The following DNAH7 variants were observed in gnomAD, a reference collection of about 807,000 sequenced individuals.
The protein encoded by DNAH7 is dynein axonemal heavy chain 7.
Under a neutral mutation model 444.6 loss-of-function variants are expected in DNAH7, and 397 were observed. The ratio of observed to expected loss-of-function variants is 0.89; its 90% CI spans 0.82 to 0.97. The LOEUF is 0.97. Ranked by LOEUF, DNAH7 falls within the 50% of genes least tolerant of loss-of-function variation. The probability of loss-of-function intolerance (pLI) is 0.00; values close to 1 mark genes in which losing one functional copy is unlikely to be tolerated. For missense variants in DNAH7, 4,902 were observed against 4,800.8 expected (o/e 1.02, Z -0.62); for synonymous variants, 1,636 against 1,624.4 (o/e 1.01, Z -0.17).
chr2:196,048,482 T>C, intron 3 of DNAH7, 78 bp from the exon 4 acceptor site: 1 of 1,163,098 alleles, frequency 8.6e-7, no homozygotes, highest in Non-Finnish European at 1.3e-6. Flanking sequence ...CGAGTGTTTA[T>C]AAACACAGAC....
intron 34 of DNAH7, among the ~76,000 whole-genome samples, chr2:195,885,861 C>T (rs765394135): frequency 6.6e-6 from 1 of 152,086 alleles, no homozygotes; most frequent in Non-Finnish European, 1.5e-5. Context: ...GGGAATGGAT[C>T]ATGTCTAAGG....
intron 19 of DNAH7, among the ~76,000 whole-genome samples, chr2:195,937,269 T>G (rs962959523): frequency 6.6e-5 from 10 of 152,080 alleles, no homozygotes; most frequent in African/African-American, 2.2e-4. Context: ...GTTGAGGAAA[T>G]GAGGAAGAAA....
intron 10 of DNAH7, among the ~76,000 whole-genome samples, chr2:196,010,992 G>A (rs1575015283): frequency 6.6e-6 from 1 of 152,146 alleles, no homozygotes; most frequent in East Asian, 1.9e-4. Flanking sequence ...GCGGTTAAGA[G>A]AAGCTAGGAA....
chr2:196,041,628 G>A (rs180757888), intron 5 of DNAH7, among the ~76,000 whole-genome samples: 278 of 152,104 alleles, frequency 1.8e-3, no homozygotes, highest in African/African-American at 6.0e-3. Flanking sequence ...TTGGAAAAAT[G>A]CTTCAGGAGA....
At chr2:195,886,744 G>A (rs1053245530) in intron 33 of DNAH7, among the ~76,000 whole-genome samples, 2 of 152,016 alleles carry the variant, frequency 1.3e-5, no homozygotes, top group African/African-American at 4.8e-5. Flanking sequence ...TGAACTTGTC[G>A]TGCACTTTAC....
At chr2:195,750,704 T>C (rs1326509291) in intron 63 of DNAH7, among the ~76,000 whole-genome samples, 3 of 152,162 alleles carry the variant, frequency 2.0e-5, no homozygotes, top group Non-Finnish European at 4.4e-5. Context: ...AGTTTCCACC[T>C]TGTCTAATGG....
intron 36 of DNAH7, among the ~76,000 whole-genome samples, chr2:195,879,720 T>C (rs1441295547): frequency 6.6e-6 from 1 of 152,174 alleles, no homozygotes; most frequent in African/African-American, 2.4e-5. Flanking sequence ...ATTATATGTG[T>C]TGATTAAAAT....
At position 195,844,997 on chromosome 2, in the gene DNAH7, C is replaced by T. The variant is rs750951547; in HGVS notation, c.8945+5G>A. 8.7e-6 allele frequency: 14 copies of T among 1,608,340 alleles called. No homozygotes were observed. The highest frequency in any genetic ancestry group is 1.2e-5 in the Non-Finnish European group (14 of 1,177,634). ...GACCATTTGTGAGAAAAATATTTTTCTTACATTATGATTATCCCATTATCA... is the reference window on the plus strand; with the variant it reads ...GACCATTTGTGAGAAAAATATTTTTTTTACATTATGATTATCCCATTATCA... On this transcript the variant is annotated splice_donor_5th_base_variant and intron_variant, in intron 47 of 64. Coordinates refer to ENST00000312428, the MANE Select transcript of DNAH7 (RefSeq NM_018897.3).
intron 5 of DNAH7, among the ~76,000 whole-genome samples, chr2:196,037,165 C>T (rs971698324): frequency 1.3e-4 from 20 of 152,214 alleles, no homozygotes; most frequent in Admixed American, 8.5e-4. Flanking sequence ...AGTAATCATA[C>T]GAACATTACA....
intron 17 of DNAH7, among the ~76,000 whole-genome samples, chr2:195,961,346 C>G (rs565300956): frequency 8.0e-4 from 121 of 151,600 alleles, no homozygotes; most frequent in African/African-American, 2.9e-3. Flanking sequence ...AAACGTATTC[C>G]TCCTAACTGA....
intron 4 of DNAH7, among the ~76,000 whole-genome samples, chr2:196,047,759 T>A (rs1474659074): frequency 6.6e-6 from 1 of 151,720 alleles, no homozygotes; most frequent in Non-Finnish European, 1.5e-5. Flanking sequence ...TTCTATTATA[T>A]TTACATATGA....
intron 19 of DNAH7, among the ~76,000 whole-genome samples, chr2:195,953,031 T>G (rs1295946303): frequency 6.6e-6 from 1 of 152,204 alleles, no homozygotes; most frequent in African/African-American, 2.4e-5. Flanking sequence ...TTTGTAATTT[T>G]CAGCCTTTTT....
At chr2:195,886,829 T>C (rs935071144) in intron 33 of DNAH7, among the ~76,000 whole-genome samples, 2 of 152,162 alleles carry the variant, frequency 1.3e-5, no homozygotes, top group African/African-American at 2.4e-5. Flanking sequence ...ATGTAGCATA[T>C]AGCAAGTTCT....
chr2:195,745,272 G>A (rs1693323641), intron 63 of DNAH7, among the ~76,000 whole-genome samples: 3 of 152,116 alleles, frequency 2.0e-5, no homozygotes, highest in Non-Finnish European at 4.4e-5. Flanking sequence ...AAGATGAAAT[G>A]AATGAAATGA....
intron 21 of DNAH7, among the ~76,000 whole-genome samples, chr2:195,932,049 C>T (rs1234977465): frequency 6.6e-6 from 1 of 152,142 alleles, no homozygotes; most frequent in African/African-American, 2.4e-5. Flanking sequence ...TTATTCCTAC[C>T]CATGAGCATG....
In DNAH7 at chr2:195,853,471, C is replaced by T; in HGVS notation, c.8653G>A (p.Gly2885Ser). Reference protein sequence around the residue: ...RAEQLIGGLGGEKTRWSHTAL... With the variant: ...RAEQLIGGLGSEKTRWSHTAL... ...GTGTGGCTCCATCGAGTTTTCTCAC[C>T]TCCAAGGCCTCCAATCAACTGTTCA... is the stretch of plus-strand genomic sequence containing the variant. Residue 2885 changes from glycine (G) to serine (S), a missense_variant, in exon 46 of 65, where the codon GGT becomes AGT. Transcript: ENST00000312428. 1 of 1,614,066 alleles carries T rather than the reference C, an allele frequency of 6.2e-7. No individual in the cohort carries two copies. The highest frequency in any genetic ancestry group is 8.5e-7 in the Non-Finnish European group (1 of 1,179,974).
At chr2:195,866,409 C>T (rs1314533903) in intron 40 of DNAH7, among the ~76,000 whole-genome samples, 2 of 151,918 alleles carry the variant, frequency 1.3e-5, no homozygotes, top group Non-Finnish European at 2.9e-5. Flanking sequence ...CTTCTTATTC[C>T]AACCAGTTCA....
chr2:195,896,690 G>A lies in DNAH7; in HGVS notation c.4647+977C>T, dbSNP rs190143108. Reference sequence around the variant, plus strand: ...TTCCATATTCTGAAAATAAACATAGGTTTTACTCCTGGAAAATCTGTACAG... The same window carrying A: ...TTCCATATTCTGAAAATAAACATAGATTTTACTCCTGGAAAATCTGTACAG... On this transcript the variant is annotated intron_variant, in intron 29 of 64. Coordinates refer to ENST00000312428, the MANE Select transcript of DNAH7 (RefSeq NM_018897.3). Among the ~76,000 whole-genome samples, 20 of 152,190 alleles carry A rather than the reference G, an allele frequency of 1.3e-4. No homozygotes were observed. In the East Asian group the frequency reaches 3.9e-3, roughly 29 times the overall value.
At chr2:195,924,747 T>C (rs1313149000) in intron 22 of DNAH7, among the ~76,000 whole-genome samples, 1 of 152,186 alleles carries the variant, frequency 6.6e-6, no homozygotes, top group Admixed American at 6.5e-5. Flanking sequence ...TCTTGAAATA[T>C]AAAGATGCTA....
Sources: gnomAD v4.1 joint callset for allele counts (sites outside exome capture counted in the v4.1 genomes callset) on GRCh38, gnomAD v4.1.1 for gene constraint, MANE v1.5 for transcripts, NCBI Gene and HGNC (gene_info 2026-07-23, HGNC 2026-07-21) for gene names.